The following EIF4EBP1 variants were observed in gnomAD, a reference collection of about 807,000 sequenced individuals.
EIF4EBP1 encodes the protein eukaryotic translation initiation factor 4E-binding protein 1.
In EIF4EBP1, 5 loss-of-function variants were observed where a neutral mutation model predicts 9.2. The observed-to-expected ratio is 0.54, with a 90% CI of 0.28 to 1.14. The LOEUF is 1.14. Ranked by LOEUF, EIF4EBP1 falls within the 50% of genes most tolerant of loss-of-function variation. EIF4EBP1 has a pLI of 0.09. For missense variants in EIF4EBP1, 139 were observed against 169.6 expected (o/e 0.82, Z 1.00); for synonymous variants, 62 against 67.0 (o/e 0.93, Z 0.36).
At chr8:38,051,526 C>A (rs1240454893) in intron 1 of EIF4EBP1, among the ~76,000 whole-genome samples, 1 of 152,100 alleles carries the variant, frequency 6.6e-6, no homozygotes, top group Non-Finnish European at 1.5e-5. Flanking sequence ...CCCCAGTGTA[C>A]AGAGGGGTCC....
chr8:38,038,753 C>T (rs937796834), intron 1 of EIF4EBP1, among the ~76,000 whole-genome samples: 18 of 151,954 alleles, frequency 1.2e-4, no homozygotes, highest in African/African-American at 3.9e-4. Context: ...TCAGCAGGGA[C>T]AGTGAGCTGC....
intron 1 of EIF4EBP1, among the ~76,000 whole-genome samples, chr8:38,040,636 C>T (rs1394130998): frequency 6.6e-6 from 1 of 152,224 alleles, no homozygotes; most frequent in Non-Finnish European, 1.5e-5. Context: ...CTTACCCATA[C>T]ATCTGGGGCA....
chr8:38,039,697 C>T (rs1402392141), intron 1 of EIF4EBP1, among the ~76,000 whole-genome samples: 1 of 152,076 alleles, frequency 6.6e-6, no homozygotes, highest in Non-Finnish European at 1.5e-5. Flanking sequence ...AGCCACTGCA[C>T]CTGGCCCTAA....
Position 38,030,536 on chromosome 8 carries a change from G to T in EIF4EBP1, c.-38G>T. On this transcript the variant is annotated 5_prime_UTR_variant, in exon 1 of 3. Transcript: ENST00000338825. ...CGGAGCGAGGCTGGAGGCGCGGGAG[G>T]GCAGCGAGAGGTTCGCGGGTGCAGC... 6.7e-7 allele frequency: 1 copy of T among 1,483,710 alleles called. No individual in the cohort carries two copies. The highest frequency in any genetic ancestry group is 2.2e-5 in the Admixed American group (1 of 45,420). The allele number at this position is 1,483,710 out of a possible 1,614,324, so 91.9% of individuals were successfully genotyped here.
intron 1 of EIF4EBP1, among the ~76,000 whole-genome samples, chr8:38,048,769 G>C (rs572054226): frequency 6.6e-6 from 1 of 151,906 alleles, no homozygotes; most frequent in South Asian, 2.1e-4. Context: ...GAAACCAGGG[G>C]TTTGAGACCA....
intron 1 of EIF4EBP1, among the ~76,000 whole-genome samples, chr8:38,041,092 G>A (rs1020037971): frequency 4.0e-5 from 6 of 151,708 alleles, no homozygotes; most frequent in East Asian, 1.9e-4. Context: ...GAGCCATCGC[G>A]CCTGGCCTTT....
intron 1 of EIF4EBP1, among the ~76,000 whole-genome samples, chr8:38,049,258 C>T (rs1342709519): frequency 1.3e-5 from 2 of 152,014 alleles, no homozygotes; most frequent in South Asian, 2.1e-4. Context: ...GTCAAGGCAC[C>T]GTTTGCAGGC....
chr8:38,039,402 CTTTTTTTT>C (rs56390718), intron 1 of EIF4EBP1, among the ~76,000 whole-genome samples: 1 of 89,016 alleles, frequency 1.1e-5, no homozygotes, highest in Non-Finnish European at 2.3e-5. Flanking sequence ...GTACTAAATA[CTTTTTTTT>C]TTTTTTTTTT....
intron 1 of EIF4EBP1, among the ~76,000 whole-genome samples, chr8:38,049,135 AAAAAG>A (rs1303099046): frequency 1.5e-4 from 23 of 151,854 alleles, no homozygotes; most frequent in East Asian, 1.2e-3. Flanking sequence ...CAAAAAAAAA[AAAAAG>A]AAAAGAAAAG....
chr8:38,052,028 T>C (rs776072597), intron 1 of EIF4EBP1, among the ~76,000 whole-genome samples: 9 of 152,206 alleles, frequency 5.9e-5, no homozygotes, highest in Non-Finnish European at 1.2e-4. Flanking sequence ...CGCCCAGCCG[T>C]AGCCCCCACC....
chr8:38,047,578 A>G (rs28540922), intron 1 of EIF4EBP1, among the ~76,000 whole-genome samples: 113,499 of 151,432 alleles, frequency 0.75, 42,619 homozygotes, highest in Middle Eastern at 0.87. Context: ...TCTGCCTCCC[A>G]GGTTCAAGCA....
intron 1 of EIF4EBP1, among the ~76,000 whole-genome samples, chr8:38,033,937 A>G (rs1156438640): frequency 4.0e-5 from 6 of 151,714 alleles, no homozygotes; most frequent in Non-Finnish European, 7.4e-5. Flanking sequence ...TAGTAGAGAC[A>G]GGGTTTCACC....
intron 1 of EIF4EBP1, among the ~76,000 whole-genome samples, chr8:38,040,841 A>G (rs1275183124): frequency 6.6e-6 from 1 of 152,130 alleles, no homozygotes; most frequent in Non-Finnish European, 1.5e-5. Context: ...GCCAGCCCAG[A>G]TTCAGGGAGA....
chr8:38,037,434 G>A (rs750483089), intron 1 of EIF4EBP1, among the ~76,000 whole-genome samples: 2 of 151,810 alleles, frequency 1.3e-5, no homozygotes, highest in Non-Finnish European at 1.5e-5. Flanking sequence ...CTCCTGCCTC[G>A]CCTCCTGAGT....
rs1809654684 is a variant in EIF4EBP1, at chr8:38,060,141, G to A, written c.*206G>A. ...GATACCTCCTTGTGCCTCCACTGAT[G>A]CAGGAGCTGCCACCCCAAGGGGAGT... is the stretch of plus-strand genomic sequence containing the variant. On this transcript the variant is annotated 3_prime_UTR_variant, in exon 3 of 3. Coordinates refer to ENST00000338825, the MANE Select transcript of EIF4EBP1 (RefSeq NM_004095.4). 3.2e-6 allele frequency: 2 copies of A among 622,310 alleles called. No homozygotes were observed. The highest frequency in any genetic ancestry group is 3.7e-5 in the African/African-American group (2 of 54,708). The allele number at this position is 622,310 out of a possible 1,614,324, so 38.5% of individuals were successfully genotyped here.
At chr8:38,048,768 G>T (rs185347070) in intron 1 of EIF4EBP1, among the ~76,000 whole-genome samples, 17 of 151,066 alleles carry the variant, frequency 1.1e-4, no homozygotes, top group African/African-American at 4.1e-4. Flanking sequence ...TGAAACCAGG[G>T]GTTTGAGACC....
At chr8:38,037,224 C>T (rs1384274452) in intron 1 of EIF4EBP1, among the ~76,000 whole-genome samples, 2 of 152,086 alleles carry the variant, frequency 1.3e-5, no homozygotes, top group Non-Finnish European at 2.9e-5. Context: ...ATCCACATGA[C>T]CTAATGCCAG....
chr8:38,058,854 C>G (rs1184861890), intron 2 of EIF4EBP1, among the ~76,000 whole-genome samples: 1 of 152,082 alleles, frequency 6.6e-6, no homozygotes, highest in African/African-American at 2.4e-5. Flanking sequence ...GAGGCTGAGG[C>G]AGGATGAATA....
intron 1 of EIF4EBP1, among the ~76,000 whole-genome samples, chr8:38,032,174 T>C (rs1048509987): frequency 5.9e-5 from 9 of 152,080 alleles, no homozygotes; most frequent in Admixed American, 2.0e-4. Flanking sequence ...TTGCACTCTT[T>C]ATTGCTGGAT....
Sources: allele counts gnomAD v4.1 joint callset (sites outside exome capture counted in the v4.1 genomes callset), GRCh38; gene constraint gnomAD v4.1.1; transcripts MANE v1.5; gene names NCBI Gene and HGNC (gene_info 2026-07-23, HGNC 2026-07-21).